TP63: variants seen among roughly 807,000 people sequenced by gnomAD.
TP63 encodes tumor protein 63.
In TP63, 17 loss-of-function variants were observed where a neutral mutation model predicts 82.8. The ratio of observed to expected loss-of-function variants is 0.21; its 90% confidence interval spans 0.14 to 0.31. The LOEUF is 0.31. TP63 is among the 10% of genes least tolerant of loss of function. The pLI, the probability that TP63 is intolerant of heterozygous loss-of-function variation, is 1.00. For synonymous variants in TP63, 330 were observed against 321.7 expected, an observed-to-expected ratio of 1.03 and a Z score of -0.28; for missense variants, 648 against 895.3, an observed-to-expected ratio of 0.72 and a Z score of 3.52.
intron 1 of TP63, among the ~76,000 whole-genome samples, chr3:189,654,912 G>A (rs1713203304): frequency 6.6e-6 from 1 of 152,170 alleles, no homozygotes; most frequent in Non-Finnish European, 1.5e-5. Flanking sequence ...TTAGAGGAGA[G>A]AAGCCAAATT....
chr3:189,771,715 A>G (rs960906655), intron 3 of TP63, among the ~76,000 whole-genome samples: 40 of 152,032 alleles, frequency 2.6e-4, no homozygotes, highest in African/African-American at 9.2e-4. Flanking sequence ...TTGATTGCTC[A>G]GTTATCTGAG....
intron 3 of TP63, among the ~76,000 whole-genome samples, chr3:189,805,688 A>G (rs1465667297): frequency 6.6e-6 from 1 of 152,168 alleles, no homozygotes; most frequent in Non-Finnish European, 1.5e-5. Flanking sequence ...GCAAAGGAGC[A>G]TGGCTTATTT....
At chr3:189,646,998 A>G (rs189200056) in intron 1 of TP63, among the ~76,000 whole-genome samples, 1 of 147,280 alleles carries the variant, frequency 6.8e-6, no homozygotes, top group East Asian at 2.4e-4. Flanking sequence ...AGTGAAATGA[A>G]ATCGTCAGGC....
intron 1 of TP63, among the ~76,000 whole-genome samples, chr3:189,697,351 G>A (rs1296350480): frequency 2.0e-5 from 3 of 151,344 alleles, no homozygotes; most frequent in African/African-American, 4.9e-5. Context: ...TCAGTTGACG[G>A]TATTTGTATG....
intron 3 of TP63, among the ~76,000 whole-genome samples, chr3:189,755,497 GCAAA>G (rs1255419860): frequency 6.6e-6 from 1 of 151,764 alleles, no homozygotes; most frequent in African/African-American, 2.4e-5. Flanking sequence ...TCATTCTATA[GCAAA>G]CATTTTATTT....
intron 1 of TP63, among the ~76,000 whole-genome samples, chr3:189,730,995 T>C (rs1368974719): frequency 2.0e-5 from 3 of 152,216 alleles, no homozygotes; most frequent in Admixed American, 6.5e-5. Context: ...GGTTAGACAA[T>C]TCATGACAAG....
chr3:189,813,798 T>C (rs1421555666), intron 4 of TP63, among the ~76,000 whole-genome samples: 1 of 152,144 alleles, frequency 6.6e-6, no homozygotes, highest in African/African-American at 2.4e-5. Context: ...AGGAACTTTT[T>C]TTCTCTCATA....
intron 1 of TP63, among the ~76,000 whole-genome samples, chr3:189,680,408 A>G (rs1715805313): frequency 6.6e-6 from 1 of 152,172 alleles, no homozygotes; most frequent in South Asian, 2.1e-4. Flanking sequence ...AAAAAATTGA[A>G]AAGGAGAGAC....
At chr3:189,831,756 ACATAGAGCTGG>A (rs1712373243) in intron 4 of TP63, among the ~76,000 whole-genome samples, 1 of 151,346 alleles carries the variant, frequency 6.6e-6, no homozygotes, top group African/African-American at 2.4e-5. Context: ...GATTTATAAC[ACATAGAGCTGG>A]CAGTGTAATT....
chr3:189,620,739 A>G, the TP63 span, among the ~76,000 whole-genome samples: 2 of 152,180 alleles, frequency 1.3e-5, no homozygotes, highest in Non-Finnish European at 2.9e-5. Context: ...GCAGCCCAGA[A>G]GTGTGGCCTC....
intron 4 of TP63, among the ~76,000 whole-genome samples, chr3:189,813,032 C>T (rs974863157): frequency 6.6e-6 from 1 of 152,142 alleles, no homozygotes; most frequent in Non-Finnish European, 1.5e-5. Context: ...CTTTCCGAAG[C>T]CTGCCCAAGC....
At chr3:189,617,245 C>T in the TP63 span, among the ~76,000 whole-genome samples, 2 of 152,212 alleles carry the variant, frequency 1.3e-5, no homozygotes, top group Non-Finnish European at 1.5e-5. Flanking sequence ...TACAGTGCAA[C>T]GTTCTGTGGG....
chr3:189,894,066 C>T (rs1327868272), intron 13 of TP63, 140 bp from the exon 14 acceptor site: 11 of 1,138,772 alleles, frequency 9.7e-6, no homozygotes, highest in Non-Finnish European at 1.3e-5. Context: ...ACTCAGAGAA[C>T]TAATTTTATT....
At chr3:189,780,054 ACAAGAAATTACAAAAAAAAG>A (rs1333525132) in intron 3 of TP63, among the ~76,000 whole-genome samples, 2 of 151,816 alleles carry the variant, frequency 1.3e-5, no homozygotes, top group Non-Finnish European at 2.9e-5. Context: ...CCTAGAAAAG[ACAAGAAATTACAAAAAAAAG>A]CAAGAAGACA....
At chr3:189,676,500 C>A (rs1269175699) in intron 1 of TP63, among the ~76,000 whole-genome samples, 1 of 151,884 alleles carries the variant, frequency 6.6e-6, no homozygotes, top group East Asian at 1.9e-4. Flanking sequence ...CTTTTTAAGG[C>A]TGAATAATAT....
At chr3:189,604,855 C>T in the TP63 span, among the ~76,000 whole-genome samples, 1 of 152,118 alleles carries the variant, frequency 6.6e-6, no homozygotes, top group South Asian at 2.1e-4. Context: ...GGGAAATAAA[C>T]AGATTGACTT....
At chr3:189,681,443 C>G (rs531617902) in intron 1 of TP63, among the ~76,000 whole-genome samples, 1 of 152,144 alleles carries the variant, frequency 6.6e-6, no homozygotes, top group African/African-American at 2.4e-5. Flanking sequence ...AATTACAAGA[C>G]GTATTTCCTA....
intron 4 of TP63, among the ~76,000 whole-genome samples, chr3:189,849,857 A>G (rs1041753141): frequency 1.8e-4 from 28 of 152,298 alleles, no homozygotes; most frequent in Admixed American, 1.7e-3. Flanking sequence ...TTTGGACAAG[A>G]GGTGCTATAA....
At chr3:189,725,811 T>G (rs1404802881) in intron 1 of TP63, among the ~76,000 whole-genome samples, 1 of 152,168 alleles carries the variant, frequency 6.6e-6, no homozygotes, top group African/African-American at 2.4e-5. Context: ...ATCCCAGCAC[T>G]TGGAGAGGCT....
Sources: allele counts gnomAD v4.1 joint callset (sites outside exome capture counted in the v4.1 genomes callset), GRCh38; gene constraint gnomAD v4.1.1; transcripts MANE v1.5; gene names NCBI Gene and HGNC (gene_info 2026-07-23, HGNC 2026-07-21).